XDH: variants seen among roughly 807,000 people sequenced by gnomAD.
XDH encodes xanthine dehydrogenase/oxidase.
In XDH, 138 loss-of-function variants were observed where a neutral mutation model predicts 156.1. That is an observed-to-expected ratio of 0.88 (90% CI 0.77 to 1.02). The LOEUF is 1.02. XDH is among the 50% of genes least tolerant of loss of function. The pLI, the probability that XDH is intolerant of heterozygous loss-of-function variation, is 0.00. For synonymous variants in XDH, 669 were observed against 625.7 expected, an observed-to-expected ratio of 1.07 and a Z score of -1.03; for missense variants, 1,849 against 1,684.9, an observed-to-expected ratio of 1.10 and a Z score of -1.71.
At chr2:31,379,775 G>C (rs1373747844) in intron 13 of XDH, 92 bp downstream of exon 13, 12 of 1,244,486 alleles carry the variant, frequency 9.6e-6, no homozygotes, top group African/African-American at 1.5e-5. Context: ...AGATGCTCAG[G>C]TTGGTCCCTG....
chr2:31,346,633 A>G, intron 30 of XDH, 136 bp downstream of exon 30: 1 of 1,093,752 alleles, frequency 9.1e-7, no homozygotes, highest in Non-Finnish European at 1.4e-6. Context: ...CTGTAAAATC[A>G]CACAAACCAC....
chr2:31,405,872 C>A (rs773028522), intron 2 of XDH, 35 bp downstream of exon 2: 5 of 1,613,016 alleles, frequency 3.1e-6, no homozygotes, highest in Non-Finnish European at 3.4e-6. Flanking sequence ...CCATTGCCCC[C>A]CTTCTCCGTC....
intron 9 of XDH, among the ~76,000 whole-genome samples, chr2:31,385,708 A>G (rs1686569748): frequency 6.6e-6 from 1 of 152,190 alleles, no homozygotes; most frequent in South Asian, 2.1e-4. Flanking sequence ...TGAGAGGTGC[A>G]TATTCTGAGT....
At chr2:31,379,165 G>A (rs1686359754) in intron 13 of XDH, among the ~76,000 whole-genome samples, 1 of 152,116 alleles carries the variant, frequency 6.6e-6, no homozygotes, top group African/African-American at 2.4e-5. Flanking sequence ...AGGGAGGAAA[G>A]ACCCACACCA....
chr2:31,391,415 T>C (rs971907948), intron 6 of XDH, among the ~76,000 whole-genome samples: 13 of 152,190 alleles, frequency 8.5e-5, no homozygotes, highest in African/African-American at 2.9e-4. Context: ...GTAGTAAATC[T>C]TGAAATTGGG....
In XDH at chr2:31,375,526, C is replaced by T. The variant is rs750077909; in HGVS notation, c.1456G>A (p.Val486Met). The change falls in exon 15 of 36, where the codon GTG becomes ATG. Residue 486 changes from valine to methionine, a missense_variant. Transcript: ENST00000379416. ...AGCTCCTCTGCCAGTCCTGCACACA[C>T]GTCCTGCAGCAGCTCCTCCTTCCAG... ...KLWKEELLQD[V>M]CAGLAEELHL... 3.2e-5 allele frequency: 51 copies of T among 1,613,750 alleles called. No individual in the cohort carries two copies. In the Middle Eastern group the frequency reaches 5.0e-4, roughly 16 times the overall value.
At chr2:31,389,146 C>T (rs1686694201) in intron 6 of XDH, among the ~76,000 whole-genome samples, 2 of 152,222 alleles carry the variant, frequency 1.3e-5, no homozygotes, top group Admixed American at 1.3e-4. Flanking sequence ...GTAGTCAATT[C>T]CTGAAAAAGC....
chr2:31,363,138 C>G (rs1018829184), intron 24 of XDH, among the ~76,000 whole-genome samples: 6 of 152,088 alleles, frequency 3.9e-5, no homozygotes, highest in Admixed American at 1.3e-4. Context: ...ATGGTGAAAC[C>G]CTGTCTCTAC....
At chr2:31,375,142 C>A (rs559441919) in intron 15 of XDH, among the ~76,000 whole-genome samples, 1 of 151,412 alleles carries the variant, frequency 6.6e-6, no homozygotes, top group Non-Finnish European at 1.5e-5. Context: ...TCTCCTGCCT[C>A]AGCTTCCCAC....
At chr2:31,367,244 G>C (rs1685941262) in intron 20 of XDH, among the ~76,000 whole-genome samples, 1 of 152,200 alleles carries the variant, frequency 6.6e-6, no homozygotes, top group African/African-American at 2.4e-5. Context: ...CCAGTCCAAA[G>C]TTCTCTTCTC....
rs1457219256 is a variant in XDH at position 31,342,183 on chromosome 2, C to T, written c.3519G>A (p.Lys1173=). ...TACTAAAGTTTTGCAAACTTCTTAC[C>T]TTATGATCTCCTGTTAGGCAGTCGA... ...VEIDCLTGDH[K]NLRTDIVMDV... Residue 1173 remains lysine, a splice_region_variant and synonymous_variant, in exon 32 of 36, where the codon AAG becomes AAA. Coordinates refer to ENST00000379416, the MANE Select transcript of XDH (RefSeq NM_000379.4). 1 of 1,613,626 alleles carries T rather than the reference C, an allele frequency of 6.2e-7. No homozygotes were observed. The highest frequency in any genetic ancestry group is 2.2e-5 in the East Asian group (1 of 44,886).
intron 19 of XDH, 70 bp downstream of exon 19, chr2:31,368,471 G>A: frequency 6.3e-7 from 1 of 1,593,384 alleles, no homozygotes; most frequent in South Asian, 1.1e-5. Context: ...CCCCTCCAGG[G>A]GATCCTAATA....
chr2:31,343,547 T>TATGCCTTATATAAGGCATATATAG (rs1412960992), intron 31 of XDH, among the ~76,000 whole-genome samples: 2 of 144,216 alleles, frequency 1.4e-5, no homozygotes, highest in African/African-American at 5.2e-5. Context: ...GGCATATATA[T>TATGCCTTATATAAGGCATATATAG]ATGCCTTATA....
chr2:31,391,310 A>G (rs1475347220), intron 6 of XDH, among the ~76,000 whole-genome samples: 1 of 152,032 alleles, frequency 6.6e-6, no homozygotes, highest in Non-Finnish European at 1.5e-5. Context: ...TGGGCTCTCT[A>G]TTCTGTTCCA....
At chr2:31,404,687 T>C (rs1396408468) in intron 2 of XDH, among the ~76,000 whole-genome samples, 1 of 152,194 alleles carries the variant, frequency 6.6e-6, no homozygotes, top group Non-Finnish European at 1.5e-5. Context: ...CCCAGGTAGA[T>C]GGGCTGTAAA....
At chr2:31,349,633 C>A in intron 26 of XDH, 53 bp downstream of exon 26, 1 of 1,613,102 alleles carries the variant, frequency 6.2e-7, no homozygotes, top group East Asian at 2.2e-5. Context: ...AGCAGAAAGG[C>A]TGTAGGATAT....
chr2:31,386,455 T>G lies in XDH; in HGVS notation c.752A>C (p.Gln251Pro). Residue 251 changes from glutamine (Q) to proline (P), a missense_variant, in exon 9 of 36, where the codon CAG (glutamine) becomes CCG (proline). Gln to Pro is a moderately conservative substitution (Grantham distance 76). Transcript: ENST00000379416. ...TLKELLDLKA[Q>P]HPDAKLVVGN... ...CACGACCAGCTTGGCGTCAGGGTGC[T>G]GAGCCTTGAGGTCCAGCAGCTCCTT... 1 of 1,614,040 alleles carries G rather than the reference T, an allele frequency of 6.2e-7. No individual in the cohort carries two copies. Among genetic ancestry groups the G allele is most frequent in the Non-Finnish European group, 8.5e-7 (1 of 1,180,014 alleles).
At chr2:31,380,942 T>C (rs1169716932) in intron 12 of XDH, among the ~76,000 whole-genome samples, 2 of 152,202 alleles carry the variant, frequency 1.3e-5, no homozygotes, top group Admixed American at 1.3e-4. Flanking sequence ...TTTTGAGTAT[T>C]TATTCCTTTT....
chr2:31,370,999 G>A (rs1686056591), intron 17 of XDH, among the ~76,000 whole-genome samples: 1 of 152,192 alleles, frequency 6.6e-6, no homozygotes, highest in Admixed American at 6.5e-5. Context: ...CCCAAAATCA[G>A]CACATGGAGC....
Sources: gnomAD v4.1 joint callset for allele counts (sites outside exome capture counted in the v4.1 genomes callset) on GRCh38, gnomAD v4.1.1 for gene constraint, MANE v1.5 for transcripts, NCBI Gene and HGNC (gene_info 2026-07-23, HGNC 2026-07-21) for gene names.